VAV3: variants seen among roughly 807,000 people sequenced by gnomAD.
VAV3 encodes guanine nucleotide exchange factor VAV3.
VAV3 carries 94 observed loss-of-function variants against 131.2 expected under a neutral mutation model. That is an observed-to-expected ratio of 0.72 (90% CI 0.61 to 0.85). VAV3 has a LOEUF of 0.85. Ranked by LOEUF, VAV3 falls within the 40% of genes least tolerant of loss-of-function variation. The pLI is 0.00. For synonymous variants in VAV3, 349 were observed against 342.0 expected (o/e 1.02, Z -0.22); for missense variants, 939 against 1,002.7 (o/e 0.94, Z 0.86).
intron 2 of VAV3, among the ~76,000 whole-genome samples, chr1:107,787,534 G>T (rs1038897757): frequency 9.9e-5 from 15 of 152,272 alleles, no homozygotes; most frequent in Middle Eastern, 3.4e-3. Context: ...ATCTTGATGG[G>T]CACCTGGACA....
intron 19 of VAV3, among the ~76,000 whole-genome samples, chr1:107,676,504 A>G (rs1436800456): frequency 6.6e-6 from 1 of 152,184 alleles, no homozygotes; most frequent in Non-Finnish European, 1.5e-5. Context: ...CTAAGACACA[A>G]AGAGAAACTG....
intron 15 of VAV3, among the ~76,000 whole-genome samples, chr1:107,712,936 C>T (rs998727540): frequency 6.6e-6 from 1 of 152,072 alleles, no homozygotes; most frequent in Admixed American, 6.5e-5. Context: ...AGGTGGAAAG[C>T]AAGAGGAAGA....
At chr1:107,766,676 A>T (rs1664750075) in intron 7 of VAV3, 126 bp from the exon 8 acceptor site, 3 of 688,048 alleles carry the variant, frequency 4.4e-6, no homozygotes, top group Non-Finnish European at 7.6e-6. Flanking sequence ...AATATATAAA[A>T]CTGCTTCCAC....
intron 5 of VAV3, among the ~76,000 whole-genome samples, chr1:107,772,244 T>C (rs1488700210): frequency 1.3e-5 from 2 of 152,168 alleles, no homozygotes; most frequent in African/African-American, 4.8e-5. Context: ...TATCTGAAAC[T>C]AAATTTATAA....
chr1:107,688,360 T>C (rs1345982115), intron 18 of VAV3, 21 bp downstream of exon 18: 1 of 1,610,672 alleles, frequency 6.2e-7, no homozygotes, highest in Non-Finnish European at 8.5e-7. Flanking sequence ...TTATAAAAAA[T>C]ATTTAAAATG....
At chr1:107,917,175 T>C (rs1214869995) in intron 1 of VAV3, among the ~76,000 whole-genome samples, 2 of 152,108 alleles carry the variant, frequency 1.3e-5, no homozygotes, top group Non-Finnish European at 2.9e-5. Context: ...AGGCCACTGC[T>C]GCAAGAACCC....
At chr1:107,899,131 A>G (rs533232961) in intron 1 of VAV3, among the ~76,000 whole-genome samples, 16 of 152,204 alleles carry the variant, frequency 1.1e-4, no homozygotes, top group Non-Finnish European at 2.2e-4. Flanking sequence ...TGTCCTACCT[A>G]CAAGGGTGGG....
At chr1:107,784,724 G>T (rs933750670) in intron 2 of VAV3, among the ~76,000 whole-genome samples, 1 of 152,130 alleles carries the variant, frequency 6.6e-6, no homozygotes, top group Non-Finnish European at 1.5e-5. Context: ...TTCACAGACA[G>T]GCTCACAGCA....
intron 2 of VAV3, among the ~76,000 whole-genome samples, chr1:107,872,138 C>A (rs1282397831): frequency 1.3e-5 from 2 of 152,112 alleles, no homozygotes; most frequent in African/African-American, 2.4e-5. Flanking sequence ...AAGCCAGAGG[C>A]CTGAGCTCCA....
intron 20 of VAV3, among the ~76,000 whole-genome samples, chr1:107,620,804 G>T (rs1653531276): frequency 6.6e-6 from 1 of 152,072 alleles, no homozygotes; most frequent in Admixed American, 6.6e-5. Flanking sequence ...GAATTTTTTA[G>T]CTGATGAAAG....
chr1:107,918,989 G>A (rs1378997395), intron 1 of VAV3, among the ~76,000 whole-genome samples: 2 of 151,970 alleles, frequency 1.3e-5, no homozygotes, highest in Non-Finnish European at 2.9e-5. Flanking sequence ...TTACAGGCAC[G>A]AGCCACCCCG....
intron 20 of VAV3, among the ~76,000 whole-genome samples, chr1:107,626,077 A>G (rs1653998962): frequency 1.3e-5 from 2 of 152,222 alleles, no homozygotes; most frequent in Non-Finnish European, 2.9e-5. Flanking sequence ...CACTGTCCTC[A>G]TCTAAGTATA....
intron 2 of VAV3, among the ~76,000 whole-genome samples, chr1:107,828,329 A>G (rs1333930450): frequency 6.6e-6 from 1 of 152,210 alleles, no homozygotes; most frequent in East Asian, 1.9e-4. Context: ...GTAAGGCAGA[A>G]GGCCTGAGGT....
intron 1 of VAV3, among the ~76,000 whole-genome samples, chr1:107,937,538 A>G (rs1673780663): frequency 6.6e-6 from 1 of 152,224 alleles, no homozygotes; most frequent in South Asian, 2.1e-4. Context: ...CAAAACATTC[A>G]ATGAATGTGT....
chr1:107,819,992 C>T (rs761240787), intron 2 of VAV3, among the ~76,000 whole-genome samples: 41 of 152,114 alleles, frequency 2.7e-4, no homozygotes, highest in Middle Eastern at 3.2e-3. Context: ...AAAGTGAACC[C>T]TCATACACTG....
chr1:107,595,710 G>T (rs1184374558), intron 25 of VAV3, among the ~76,000 whole-genome samples: 1 of 152,112 alleles, frequency 6.6e-6, no homozygotes, highest in Non-Finnish European at 1.5e-5. Context: ...CATTCTGAAA[G>T]AAAGTGGCCA....
At chr1:107,782,680 A>G (rs563968766) in intron 2 of VAV3, among the ~76,000 whole-genome samples, 2 of 152,342 alleles carry the variant, frequency 1.3e-5, no homozygotes, top group African/African-American at 4.8e-5. Flanking sequence ...AGTTTAGCCA[A>G]AGCAAATAAA....
At chr1:107,707,855 AG>A (rs1415563549) in intron 15 of VAV3, among the ~76,000 whole-genome samples, 1 of 152,212 alleles carries the variant, frequency 6.6e-6, no homozygotes, top group Non-Finnish European at 1.5e-5. Context: ...AGTAGATTGC[AG>A]CAGAAGACGA....
At chr1:107,753,539 T>TAC (rs571474769) in intron 12 of VAV3, among the ~76,000 whole-genome samples, 1,759 of 83,752 alleles carry the variant, frequency 0.021, 53 homozygotes, top group Non-Finnish European at 0.032. Context: ...TATATATATA[T>TAC]ATATATATAT....
Sources: gnomAD v4.1 joint callset for allele counts (sites outside exome capture counted in the v4.1 genomes callset) on GRCh38, gnomAD v4.1.1 for gene constraint, MANE v1.5 for transcripts, NCBI Gene and HGNC (gene_info 2026-07-23, HGNC 2026-07-21) for gene names.